Variants in XRCC4 observed in about 807,000 individuals in gnomAD.
The protein encoded by XRCC4 is X-ray repair cross complementing 4.
In XRCC4, 28 loss-of-function variants were observed where a neutral mutation model predicts 39.1. The ratio of observed to expected loss-of-function variants is 0.72; its 90% CI spans 0.53 to 0.98. The LOEUF (loss-of-function observed/expected upper bound fraction) is 0.98. Among genes scored for constraint, XRCC4 ranks in the 50% least tolerant of loss-of-function variants. The probability of loss-of-function intolerance (pLI) is 0.00; values close to 1 mark genes in which losing one functional copy is unlikely to be tolerated. For missense variants in XRCC4, 350 were observed against 376.4 expected, an observed-to-expected ratio of 0.93 and a Z score of 0.58; for synonymous variants, 123 against 126.4, an observed-to-expected ratio of 0.97 and a Z score of 0.18.
At chr5:83,308,652 A>G (rs1009430492) in intron 7 of XRCC4, among the ~76,000 whole-genome samples, 5 of 152,170 alleles carry the variant, frequency 3.3e-5, no homozygotes, top group Non-Finnish European at 7.4e-5. Flanking sequence ...TTTACCTAAC[A>G]AACAGAAAAG....
At chr5:83,286,749 C>T (rs1396467097) in intron 7 of XRCC4, among the ~76,000 whole-genome samples, 1 of 152,000 alleles carries the variant, frequency 6.6e-6, no homozygotes, top group Non-Finnish European at 1.5e-5. Flanking sequence ...TCAGATGACA[C>T]ATAAAACTAA....
downstream of XRCC4, among the ~76,000 whole-genome samples, chr5:83,355,563 A>C (rs543322418): frequency 4.8e-4 from 73 of 152,360 alleles, no homozygotes; most frequent in Non-Finnish European, 8.4e-4. Context: ...GATACAAAGA[A>C]ATAATTATTC....
chr5:83,222,643 G>A (rs992812314), intron 6 of XRCC4, among the ~76,000 whole-genome samples: 7 of 152,160 alleles, frequency 4.6e-5, no homozygotes, highest in African/African-American at 1.7e-4. Context: ...AGTTCACAGA[G>A]TTTTTCCTGT....
At chr5:83,166,246 A>G (rs934972263) in intron 3 of XRCC4, among the ~76,000 whole-genome samples, 1 of 151,874 alleles carries the variant, frequency 6.6e-6, no homozygotes, top group Non-Finnish European at 1.5e-5. Flanking sequence ...TGTCTTTGCT[A>G]TTGTTTCAGT....
At chr5:83,360,864 ATAGT>A in the XRCC4 span, among the ~76,000 whole-genome samples, 1 of 152,176 alleles carries the variant, frequency 6.6e-6, no homozygotes, top group African/African-American at 2.4e-5. Context: ...GAGCTTTGGG[ATAGT>A]TAGTTACATA....
At chr5:83,132,520 A>G (rs1561350362) in intron 3 of XRCC4, among the ~76,000 whole-genome samples, 1 of 151,044 alleles carries the variant, frequency 6.6e-6, no homozygotes, top group African/African-American at 2.4e-5. Flanking sequence ...AGGTACACCA[A>G]TCAGACGTAG....
rs865832268 is a variant in XRCC4, at chr5:83,205,042, C to T, written c.745+121C>T. On this transcript the variant is annotated intron_variant, in intron 6 of 7. Coordinates refer to ENST00000396027, the MANE Select transcript of XRCC4 (RefSeq NM_003401.5). Reference sequence around the variant, plus strand: ...ACCTTATTCTATGAAAATTCTTTAGCATTTTTATTTTAAAAACTCAAATTT... The same window carrying T: ...ACCTTATTCTATGAAAATTCTTTAGTATTTTTATTTTAAAAACTCAAATTT... 7.5e-6 allele frequency: 5 copies of T among 665,814 alleles called. No homozygotes were observed. In the Middle Eastern group the frequency reaches 1.1e-3, roughly 148 times the overall value. 41.2% of individuals were successfully genotyped at this position (665,814 alleles called of 1,614,324 possible).
chr5:83,264,030 A>C (rs1233856636), intron 7 of XRCC4, among the ~76,000 whole-genome samples: 2 of 152,172 alleles, frequency 1.3e-5, no homozygotes, highest in African/African-American at 4.8e-5. Context: ...AAAAAGATGT[A>C]GCGTATTTCA....
intron 3 of XRCC4, among the ~76,000 whole-genome samples, chr5:83,174,866 G>A (rs2112630616): frequency 1.3e-5 from 2 of 151,466 alleles, no homozygotes; most frequent in South Asian, 4.2e-4. Context: ...AAAATTCATG[G>A]TGTGGTATTA....
chr5:83,331,220 A>G (rs1346460278), intron 7 of XRCC4, among the ~76,000 whole-genome samples: 3 of 152,074 alleles, frequency 2.0e-5, no homozygotes, highest in Non-Finnish European at 1.5e-5. Context: ...TTCCATTTCT[A>G]TTTATCAGAT....
chr5:83,310,618 C>A (rs1290383260), intron 7 of XRCC4, among the ~76,000 whole-genome samples: 3 of 152,174 alleles, frequency 2.0e-5, no homozygotes, highest in Non-Finnish European at 4.4e-5. Context: ...ATGCGATAGG[C>A]TGAATAATAG....
chr5:83,160,167 A>G (rs1749138830), intron 3 of XRCC4, among the ~76,000 whole-genome samples: 1 of 152,194 alleles, frequency 6.6e-6, no homozygotes, highest in African/African-American at 2.4e-5. Flanking sequence ...AAATTTATCA[A>G]ATAATTACAT....
downstream of XRCC4, among the ~76,000 whole-genome samples, chr5:83,355,332 A>G (rs942724109): frequency 2.0e-5 from 3 of 152,024 alleles, no homozygotes; most frequent in Non-Finnish European, 4.4e-5. Flanking sequence ...TTACTTTTTC[A>G]TGTCTCCTCT....
chr5:83,177,028 A>G (rs1223419403), intron 3 of XRCC4, among the ~76,000 whole-genome samples: 1 of 152,218 alleles, frequency 6.6e-6, no homozygotes, highest in African/African-American at 2.4e-5. Flanking sequence ...CAGTAATATT[A>G]GCATATATGA....
intron 3 of XRCC4, among the ~76,000 whole-genome samples, chr5:83,150,430 CTGA>C (rs1167493568): frequency 3.3e-5 from 5 of 152,062 alleles, no homozygotes; most frequent in African/African-American, 1.2e-4. Flanking sequence ...ACTGTGTAGT[CTGA>C]TGATATATTG....
chr5:83,101,082 A>C (rs1745911990), intron 1 of XRCC4, among the ~76,000 whole-genome samples: 1 of 152,106 alleles, frequency 6.6e-6, no homozygotes, highest in South Asian at 2.1e-4. Flanking sequence ...TGGGGCTATA[A>C]GGATTACTTT....
chr5:83,356,181 T>C (rs1264841941), downstream of XRCC4, among the ~76,000 whole-genome samples: 1 of 152,134 alleles, frequency 6.6e-6, no homozygotes, highest in African/African-American at 2.4e-5. Flanking sequence ...ATACTGAACT[T>C]AGCACTATCC....
chr5:83,262,939 C>G (rs1474558902), intron 7 of XRCC4, among the ~76,000 whole-genome samples: 1 of 148,384 alleles, frequency 6.7e-6, no homozygotes, highest in Non-Finnish European at 1.5e-5. Context: ...GTGCGCTGCA[C>G]CCACTAACTC....
intron 3 of XRCC4, among the ~76,000 whole-genome samples, chr5:83,187,479 A>C (rs1750506105): frequency 6.6e-6 from 1 of 152,178 alleles, no homozygotes; most frequent in Non-Finnish European, 1.5e-5. Flanking sequence ...TAGCTTGTAG[A>C]CATCTTTGGG....
Sources: allele counts gnomAD v4.1 joint callset (sites outside exome capture counted in the v4.1 genomes callset), GRCh38; gene constraint gnomAD v4.1.1; transcripts MANE v1.5; gene names NCBI Gene and HGNC (gene_info 2026-07-23, HGNC 2026-07-21).